The following C1QTNF3 variants were observed in gnomAD, a reference collection of about 807,000 sequenced individuals.
The protein encoded by C1QTNF3 is C1q and TNF related 3, also known as complement C1q tumor necrosis factor-related protein 3.
C1QTNF3 carries 26 observed loss-of-function variants against 32.6 expected under a neutral mutation model. The observed-to-expected ratio is 0.80, with a 90% CI of 0.58 to 1.11. The LOEUF is 1.11. Among genes scored for constraint, C1QTNF3 ranks in the 50% least tolerant of loss-of-function variants. C1QTNF3 has a pLI of 0.00. For synonymous variants in C1QTNF3, 155 were observed against 146.0 expected, an observed-to-expected ratio of 1.06 and a Z score of -0.44; for missense variants, 362 against 398.2, an observed-to-expected ratio of 0.91 and a Z score of 0.77.
At chr5:34,113,459 T>G in the C1QTNF3 span, among the ~76,000 whole-genome samples, 1 of 152,060 alleles carries the variant, frequency 6.6e-6, no homozygotes, top group Non-Finnish European at 1.5e-5. Context: ...GTTTTTCTCT[T>G]TGTCTCATTT....
At chr5:34,203,876 A>G in the C1QTNF3 span, among the ~76,000 whole-genome samples, 12 of 152,230 alleles carry the variant, frequency 7.9e-5, no homozygotes, top group African/African-American at 1.4e-4. Flanking sequence ...AGCTATACTT[A>G]TATCAAGTAA....
At chr5:34,209,741 C>G in the C1QTNF3 span, among the ~76,000 whole-genome samples, 1 of 151,998 alleles carries the variant, frequency 6.6e-6, no homozygotes, top group South Asian at 2.1e-4. Flanking sequence ...TATAGTTTTA[C>G]AGACAGCCAT....
chr5:34,229,800 A>G, the C1QTNF3 span, among the ~76,000 whole-genome samples: 2 of 152,198 alleles, frequency 1.3e-5, no homozygotes, highest in African/African-American at 2.4e-5. Context: ...TCAATAATCT[A>G]TTAATTGGCA....
chr5:34,235,774 A>G, the C1QTNF3 span, among the ~76,000 whole-genome samples: 1 of 152,206 alleles, frequency 6.6e-6, no homozygotes, highest in Admixed American at 6.5e-5. Context: ...ATTTAATACT[A>G]ATTTAGTGGA....
At chr5:34,032,398 T>C (rs1384642283) in intron 3 of C1QTNF3, among the ~76,000 whole-genome samples, 12 of 152,224 alleles carry the variant, frequency 7.9e-5, no homozygotes. Context: ...TTAAACTTTA[T>C]GCTGAAATGA....
At chr5:34,219,366 G>C in the C1QTNF3 span, among the ~76,000 whole-genome samples, 1 of 151,468 alleles carries the variant, frequency 6.6e-6, no homozygotes, top group Non-Finnish European at 1.5e-5. Flanking sequence ...CTTGTATCCA[G>C]AGTTTCCCAA....
chr5:34,219,332 T>C, the C1QTNF3 span, among the ~76,000 whole-genome samples: 4 of 151,828 alleles, frequency 2.6e-5, no homozygotes, highest in Admixed American at 6.6e-5. Flanking sequence ...CTCTTGTCTC[T>C]TTGTACAATA....
the C1QTNF3 span, among the ~76,000 whole-genome samples, chr5:34,134,006 C>T: frequency 6.6e-6 from 1 of 152,124 alleles, no homozygotes; most frequent in African/African-American, 2.4e-5. Context: ...CTGTATGAAC[C>T]AATTCCAGAT....
chr5:34,026,145 A>C (rs930719515), intron 4 of C1QTNF3, among the ~76,000 whole-genome samples: 1 of 152,348 alleles, frequency 6.6e-6, no homozygotes, highest in Admixed American at 6.5e-5. Context: ...ACGCTAGGAG[A>C]CTGGAAGAAA....
chr5:34,070,745 C>A, the C1QTNF3 span, among the ~76,000 whole-genome samples: 5 of 151,908 alleles, frequency 3.3e-5, no homozygotes, highest in African/African-American at 1.2e-4. Context: ...GATCAGGCAG[C>A]ATGGTAGCAT....
At chr5:34,055,888 A>G in the C1QTNF3 span, among the ~76,000 whole-genome samples, 2 of 152,240 alleles carry the variant, frequency 1.3e-5, no homozygotes, top group East Asian at 1.9e-4. Context: ...AGCTGGGGAC[A>G]GCTGCTCAGC....
the C1QTNF3 span, among the ~76,000 whole-genome samples, chr5:34,113,110 C>T: frequency 7.4e-6 from 1 of 135,654 alleles, no homozygotes; most frequent in Non-Finnish European, 1.6e-5. Context: ...GTTGATTTTT[C>T]AGGATATCCC....
chr5:34,216,230 A>T, the C1QTNF3 span, among the ~76,000 whole-genome samples: 61 of 152,308 alleles, frequency 4.0e-4, no homozygotes, highest in East Asian at 0.012. Flanking sequence ...AATTAGGAAT[A>T]TATCTTTCTT....
the C1QTNF3 span, among the ~76,000 whole-genome samples, chr5:34,229,445 C>G: frequency 2.0e-5 from 3 of 152,110 alleles, no homozygotes; most frequent in Non-Finnish European, 4.4e-5. Flanking sequence ...TTGACATAAA[C>G]TAACATATTG....
the C1QTNF3 span, among the ~76,000 whole-genome samples, chr5:34,099,342 C>T: frequency 6.6e-6 from 1 of 152,070 alleles, no homozygotes. Flanking sequence ...TCACTAAAGA[C>T]GTTTTAACTA....
the C1QTNF3 span, among the ~76,000 whole-genome samples, chr5:34,178,649 T>C: frequency 6.6e-6 from 1 of 152,312 alleles, no homozygotes. Context: ...GGCAAACAAA[T>C]CCCATCTCCC....
At chr5:34,055,319 C>T in the C1QTNF3 span, among the ~76,000 whole-genome samples, 3 of 152,204 alleles carry the variant, frequency 2.0e-5, no homozygotes, top group Non-Finnish European at 4.4e-5. Context: ...AAGGGGAAAA[C>T]TCCAAACTTA....
the C1QTNF3 span, chr5:34,218,149 G>C: frequency 1.3e-5 from 2 of 152,266 alleles, no homozygotes. Context: ...ATAAGGATGT[G>C]ATAATGTATT....
chr5:34,074,179 T>C, the C1QTNF3 span, among the ~76,000 whole-genome samples: 1 of 148,242 alleles, frequency 6.7e-6, no homozygotes, highest in Non-Finnish European at 1.5e-5. Flanking sequence ...GGTGCAGAAA[T>C]CAATAAATCA....
Sources: allele counts gnomAD v4.1 joint callset (sites outside exome capture counted in the v4.1 genomes callset), GRCh38; gene constraint gnomAD v4.1.1; transcripts MANE v1.5; gene names NCBI Gene and HGNC (gene_info 2026-07-23, HGNC 2026-07-21).